The following DPP10 variants were observed in gnomAD, a reference collection of about 807,000 sequenced individuals.
DPP10 encodes the protein inactive dipeptidyl peptidase 10.
Under a neutral mutation model 120.9 loss-of-function variants are expected in DPP10, and 33 were observed. The observed-to-expected ratio is 0.27, with a 90% CI of 0.21 to 0.37. The LOEUF is 0.37. Among genes scored for constraint, DPP10 ranks in the 10% least tolerant of loss-of-function variants. The probability of loss-of-function intolerance (pLI) is 1.00; values close to 1 mark genes in which losing one functional copy is unlikely to be tolerated. For synonymous variants in DPP10, 337 were observed against 326.1 expected, an observed-to-expected ratio of 1.03 and a Z score of -0.36; for missense variants, 816 against 942.8, an observed-to-expected ratio of 0.87 and a Z score of 1.76.
intron 2 of DPP10, among the ~76,000 whole-genome samples, chr2:115,316,754 A>G (rs1488133493): frequency 6.6e-6 from 1 of 152,140 alleles, no homozygotes; most frequent in East Asian, 1.9e-4. Flanking sequence ...GAAATGTGAT[A>G]TTCTGGCCTC....
At chr2:115,596,235 G>T (rs1018693121) in intron 5 of DPP10, among the ~76,000 whole-genome samples, 1 of 152,180 alleles carries the variant, frequency 6.6e-6, no homozygotes, top group South Asian at 2.1e-4. Context: ...TGACCTGCCT[G>T]TGTAATTCAG....
intron 15 of DPP10, among the ~76,000 whole-genome samples, chr2:115,779,671 C>T (rs1379414218): frequency 6.6e-6 from 1 of 151,870 alleles, no homozygotes; most frequent in East Asian, 1.9e-4. Flanking sequence ...CTAAGCTTTT[C>T]TGTGGTGAAA....
At chr2:115,042,425 G>A (rs535534360) in intron 1 of DPP10, among the ~76,000 whole-genome samples, 1 of 152,212 alleles carries the variant, frequency 6.6e-6, no homozygotes, top group South Asian at 2.1e-4. Flanking sequence ...CACCACCACT[G>A]CTGGCTATTT....
chr2:114,994,943 G>C (rs1400901895), intron 1 of DPP10, among the ~76,000 whole-genome samples: 3 of 152,128 alleles, frequency 2.0e-5, no homozygotes, highest in African/African-American at 7.2e-5. Flanking sequence ...AGGAAAAAAT[G>C]CACCCAATTC....
At chr2:115,243,455 T>C (rs2058380634) in intron 1 of DPP10, among the ~76,000 whole-genome samples, 1 of 152,218 alleles carries the variant, frequency 6.6e-6, no homozygotes, top group African/African-American at 2.4e-5. Context: ...GTAAAATATC[T>C]AGTTATTTTT....
intron 1 of DPP10, among the ~76,000 whole-genome samples, chr2:114,950,185 A>G (rs529679287): frequency 6.6e-6 from 1 of 152,122 alleles, no homozygotes; most frequent in South Asian, 2.1e-4. Flanking sequence ...AATGTATTTC[A>G]GTGATATGTT....
intron 1 of DPP10, among the ~76,000 whole-genome samples, chr2:114,742,316 TAAAA>T (rs974654863): frequency 2.0e-5 from 3 of 151,514 alleles, no homozygotes; most frequent in African/African-American, 7.3e-5. Flanking sequence ...GAAAAAAAAT[TAAAA>T]AGGAAAAAGA....
At chr2:115,458,654 A>G (rs2073776316) in intron 3 of DPP10, among the ~76,000 whole-genome samples, 1 of 152,152 alleles carries the variant, frequency 6.6e-6, no homozygotes, top group African/African-American at 2.4e-5. Flanking sequence ...ACACACACAT[A>G]TATACGTATT....
chr2:115,355,188 G>A (rs539261581), intron 3 of DPP10, among the ~76,000 whole-genome samples: 1 of 152,218 alleles, frequency 6.6e-6, no homozygotes, highest in South Asian at 2.1e-4. Context: ...AATTGTAAAA[G>A]TGTTCCTATT....
rs575239831 is a variant in DPP10, at chr2:115,333,670, C to A, written c.176-10147C>A. On this transcript the variant is annotated intron_variant, in intron 2 of 25. Coordinates refer to ENST00000410059, the MANE Select transcript of DPP10 (RefSeq NM_020868.6). ...CTTGTCTGTAAAGGATTTTATTTCTCCTTCACTTATGAAGCTTGGTTTGGC... is the reference window on the plus strand; with the variant it reads ...CTTGTCTGTAAAGGATTTTATTTCTACTTCACTTATGAAGCTTGGTTTGGC... 5.3e-5 allele frequency among the ~76,000 whole-genome samples: 8 copies of A among 152,138 alleles called. No individual in the cohort carries two copies. In the South Asian group the frequency reaches 8.3e-4, roughly 16 times the overall value.
At position 115,679,777 on chromosome 2, in the gene DPP10, G is replaced by A. The variant is rs575999064; in HGVS notation, c.442-9910G>A. Among the ~76,000 whole-genome samples, 8 of 152,208 alleles carry A rather than the reference G, an allele frequency of 5.3e-5. 1 individual carries two copies. Among genetic ancestry groups the A allele is most frequent in the South Asian group, 2.1e-4 (1 of 4,822 alleles). On this transcript the variant is annotated intron_variant, in intron 5 of 25. Transcript: ENST00000410059. ...TAAATACCATGTGTATCACTTGTAC[G>A]TGGGAACAAAAACATTTAGCTCACA...
intron 1 of DPP10, among the ~76,000 whole-genome samples, chr2:114,683,549 TC>T (rs1699168024): frequency 1.4e-5 from 2 of 143,474 alleles, no homozygotes; most frequent in South Asian, 4.8e-4. Flanking sequence ...CCTTCCTCCC[TC>T]TCTCTCTCCC....
chr2:115,188,087 G>A (rs143218846), intron 1 of DPP10, among the ~76,000 whole-genome samples: 9 of 151,760 alleles, frequency 5.9e-5, no homozygotes, highest in East Asian at 3.9e-4. Flanking sequence ...GAGAGAGAGC[G>A]CACTCAGGAG....
chr2:115,714,179 T>G (rs2092416177), intron 7 of DPP10, among the ~76,000 whole-genome samples: 1 of 152,230 alleles, frequency 6.6e-6, no homozygotes, highest in Non-Finnish European at 1.5e-5. Context: ...GTTTGTTTAC[T>G]GTATTAATAC....
chr2:115,735,460 A>G (rs879878910), intron 8 of DPP10, among the ~76,000 whole-genome samples: 10 of 151,886 alleles, frequency 6.6e-5, no homozygotes, highest in Non-Finnish European at 2.9e-5. Flanking sequence ...TACAGAGGTT[A>G]TTTAACAGGT....
chr2:115,389,278 A>AAAC (rs2067166702), intron 3 of DPP10, among the ~76,000 whole-genome samples: 10 of 149,644 alleles, frequency 6.7e-5, no homozygotes, highest in Non-Finnish European at 7.4e-5. Context: ...CACACACACA[A>AAAC]ACACACACAC....
intron 1 of DPP10, among the ~76,000 whole-genome samples, chr2:114,746,466 T>A (rs1678586106): frequency 6.6e-6 from 1 of 152,096 alleles, no homozygotes; most frequent in Admixed American, 6.5e-5. Context: ...TGTAAAAAAA[T>A]TAAAAATCAG....
chr2:115,682,144 AT>A (rs1469075743), intron 5 of DPP10, among the ~76,000 whole-genome samples: 2 of 151,976 alleles, frequency 1.3e-5, no homozygotes, highest in African/African-American at 4.8e-5. Flanking sequence ...TAGTGAGACA[AT>A]GTTTAAACTT....
chr2:114,744,087 G>A (rs1431097838), intron 1 of DPP10, among the ~76,000 whole-genome samples: 2 of 152,146 alleles, frequency 1.3e-5, no homozygotes, highest in Non-Finnish European at 2.9e-5. Context: ...TGATTACATG[G>A]AGGGATTGGC....
Sources: gnomAD v4.1 joint callset for allele counts (sites outside exome capture counted in the v4.1 genomes callset) on GRCh38, gnomAD v4.1.1 for gene constraint, MANE v1.5 for transcripts, NCBI Gene and HGNC (gene_info 2026-07-23, HGNC 2026-07-21) for gene names.